The following CARS1 variants were observed in gnomAD, a reference collection of about 807,000 sequenced individuals.
CARS1 encodes cysteinyl-tRNA synthetase 1, also known as cysteine--tRNA ligase, cytoplasmic.
A neutral mutation model predicts 106.2 loss-of-function variants in CARS1; 48 were observed. The ratio of observed to expected loss-of-function variants is 0.45; its 90% CI spans 0.36 to 0.57. The LOEUF is 0.57. Ranked by LOEUF, CARS1 falls within the 20% of genes least tolerant of loss-of-function variation. CARS1 has a pLI of 0.00. For synonymous variants in CARS1, 409 were observed against 403.4 expected, an observed-to-expected ratio of 1.01 and a Z score of -0.17; for missense variants, 968 against 1,057.2, an observed-to-expected ratio of 0.92 and a Z score of 1.17.
rs201769719 is a variant in CARS1 at position 3,040,849 on chromosome 11, C to T, written c.455+47G>A. On this transcript the variant is annotated intron_variant, in intron 4 of 22. Transcript: ENST00000380525. The surrounding 1 kb of genome is among the most constrained non-coding windows in gnomAD (Gnocchi z 5.8). ...CTGTGGATCCCAATGGCTCTGACTTCTGCGTGCAACTGCAGAAGCTGCAGG... is the reference window on the plus strand; with the variant it reads ...CTGTGGATCCCAATGGCTCTGACTTTTGCGTGCAACTGCAGAAGCTGCAGG... 6.3e-7 allele frequency: 1 copy of T among 1,598,772 alleles called. No homozygotes were observed.
rs1854687561 is a variant in CARS1, at chr11:3,043,044, C to A, written c.275-788G>T. 6.6e-6 allele frequency among the ~76,000 whole-genome samples: 1 copy of A among 152,186 alleles called. No individual in the cohort carries two copies. Among genetic ancestry groups the A allele is most frequent in the Non-Finnish European group, 1.5e-5 (1 of 68,028 alleles). On this transcript the variant is annotated intron_variant, in intron 2 of 22. Coordinates refer to ENST00000380525, the MANE Select transcript of CARS1 (RefSeq NM_001014437.3). The surrounding 1 kb of genome is among the most constrained non-coding windows in gnomAD (Gnocchi z 4.0). ...AGGTCTATACTGCCTTCATAAATAA[C>A]CTGAGCTCCTCTCAGCCTCCAGGCA...
rs117447104 is a variant in CARS1 at position 3,032,965 on chromosome 11, T to C, written c.802-3522A>G. The stretch of plus-strand genomic sequence containing the variant: ...AAACGTACCCCCTGGTGGGTGCGGA[T>C]GCTGGGGGAGGTGACGGTGAGGTGG... On this transcript the variant is annotated intron_variant, in intron 7 of 22. Transcript: ENST00000380525. Among the ~76,000 whole-genome samples, 47 of 151,694 alleles carry C rather than the reference T, an allele frequency of 3.1e-4. No homozygotes were observed. The East Asian group carries it at 9.1e-3, about 29-fold the overall frequency.
chr11:3,021,081 C>T lies in CARS1; in HGVS notation c.1154-749G>A, dbSNP rs142183175. Among the ~76,000 whole-genome samples, 472 of 152,222 alleles carry T rather than the reference C, an allele frequency of 3.1e-3. 4 individuals are homozygous for T. Among genetic ancestry groups the T allele is most frequent in the African/African-American group, 9.4e-3 (389 of 41,524 alleles). On this transcript the variant is annotated intron_variant, in intron 10 of 22. Coordinates refer to ENST00000380525, the MANE Select transcript of CARS1 (RefSeq NM_001014437.3). The surrounding 1 kb of genome is among the most constrained non-coding windows in gnomAD (Gnocchi z 5.3). ...CCTTGGTGAATTCCATGCATTGACT[C>T]GGTGACACTCAGCCACCTGACACTC...
Position 3,037,307 on chromosome 11 carries a change from G to A in CARS1, c.801+743C>T, listed in dbSNP as rs1261168275. Among the ~76,000 whole-genome samples the A allele has an allele frequency of 6.6e-6, 1 of 152,260 alleles. No homozygotes were observed. The highest frequency in any genetic ancestry group is 1.9e-4 in the East Asian group (1 of 5,198). On this transcript the variant is annotated intron_variant, in intron 7 of 22. Coordinates refer to ENST00000380525, the MANE Select transcript of CARS1 (RefSeq NM_001014437.3). The surrounding 1 kb of genome is among the most constrained non-coding windows in gnomAD (Gnocchi z 5.9). ...CCAAACTAGAAAGAAACATGCTGGC[G>A]AAGGGCAGACACAGACTCCCTGCCC...
At chr11:3,024,541 G>A (rs1287108505) in intron 10 of CARS1, among the ~76,000 whole-genome samples, 1 of 152,160 alleles carries the variant, frequency 6.6e-6, no homozygotes, top group Non-Finnish European at 1.5e-5. Flanking sequence ...TTGACTTCTT[G>A]GGCTGAAGTG....
intron 17 of CARS1, among the ~76,000 whole-genome samples, chr11:3,014,355 G>A (rs976038790): frequency 1.3e-5 from 2 of 152,188 alleles, no homozygotes; most frequent in Non-Finnish European, 2.9e-5. Flanking sequence ...ATCCATGAAC[G>A]TCAAATGGCC....
Position 3,029,455 on chromosome 11 carries a change from G to C in CARS1, c.802-12C>G. On this transcript the variant is annotated splice_polypyrimidine_tract_variant and intron_variant, in intron 7 of 22. Coordinates refer to ENST00000380525, the MANE Select transcript of CARS1 (RefSeq NM_001014437.3). This position sits in a 1 kb window ranked among gnomAD's most constrained non-coding sequence, Gnocchi z 5.9. ...TCTTCCAGCAACACCTGAAGAGAAAGAAACAAAAATCCAGCAGCGGGCCAC... is the reference window on the plus strand; with the variant it reads ...TCTTCCAGCAACACCTGAAGAGAAACAAACAAAAATCCAGCAGCGGGCCAC... 2 of 1,612,644 alleles carry C rather than the reference G, an allele frequency of 1.2e-6. No homozygotes were observed. The highest frequency in any genetic ancestry group is 8.5e-7 in the Non-Finnish European group (1 of 1,179,560).
chr11:3,007,003 G>A (rs754263079), intron 18 of CARS1, 44 bp from the exon 19 acceptor site: 1 of 1,508,390 alleles, frequency 6.6e-7, no homozygotes, highest in African/African-American at 1.4e-5. Flanking sequence ...GGAGGAGCCA[G>A]GGCCCACACA....
chr11:3,004,688 T>C lies in CARS1; in HGVS notation c.2217+678A>G, dbSNP rs1849687828. On this transcript the variant is annotated intron_variant, in intron 20 of 22. Coordinates refer to ENST00000380525, the MANE Select transcript of CARS1 (RefSeq NM_001014437.3). This position sits in a 1 kb window ranked among gnomAD's most constrained non-coding sequence, Gnocchi z 5.2. Reference sequence around the variant, plus strand: ...TCTGTCCTATTGGGCACCGAGGAACTTGGGCCATCCCTGATCCTGGGGGCG... The same window carrying C: ...TCTGTCCTATTGGGCACCGAGGAACCTGGGCCATCCCTGATCCTGGGGGCG... Among the ~76,000 whole-genome samples, 1 of 152,200 alleles carries C rather than the reference T, an allele frequency of 6.6e-6. No homozygotes were observed. Among genetic ancestry groups the C allele is most frequent in the African/African-American group, 2.4e-5 (1 of 41,460 alleles).
Position 3,034,447 on chromosome 11 carries a change from C to G in CARS1, c.801+3603G>C, listed in dbSNP as rs899715451. On this transcript the variant is annotated intron_variant, in intron 7 of 22. Transcript: ENST00000380525. This position sits in a 1 kb window ranked among gnomAD's most constrained non-coding sequence, Gnocchi z 6.3. Reference sequence around the variant, plus strand: ...TGTTGGCCAGGCTGGTCTCAAACCCCTGACCTCAGGTGATCCGCCCGCCTC... The same window carrying G: ...TGTTGGCCAGGCTGGTCTCAAACCCGTGACCTCAGGTGATCCGCCCGCCTC... 2.6e-5 allele frequency among the ~76,000 whole-genome samples: 4 copies of G among 152,202 alleles called. No individual in the cohort carries two copies. The highest frequency in any genetic ancestry group is 5.9e-5 in the Non-Finnish European group (4 of 68,030).
At chr11:3,010,526 G>A (rs1050784334) in intron 18 of CARS1, among the ~76,000 whole-genome samples, 1 of 152,270 alleles carries the variant, frequency 6.6e-6, no homozygotes, top group African/African-American at 2.4e-5. Flanking sequence ...GGAAAGGGGC[G>A]ATGGTGCTTA....
chr11:3,055,881 G>A (rs1173128286), intron 1 of CARS1, among the ~76,000 whole-genome samples: 2 of 152,222 alleles, frequency 1.3e-5, no homozygotes, highest in Non-Finnish European at 2.9e-5. Flanking sequence ...CAAGGTAGGA[G>A]CCATTACGCA....
rs565863865 is a variant in CARS1 at position 3,042,429 on chromosome 11, T to G, written c.275-173A>C. The G allele has an allele frequency of 7.2e-4, 403 of 563,088 alleles. 3 individuals carry two copies. Among genetic ancestry groups the G allele is most frequent in the Admixed American group, 5.9e-4 (18 of 30,294 alleles). 34.9% of individuals were successfully genotyped at this position (563,088 alleles called of 1,614,324 possible). A position where few individuals can be genotyped will look rare whatever the true frequency, so the allele number is the denominator to read the frequency against. On this transcript the variant is annotated intron_variant, in intron 2 of 22. Transcript: ENST00000380525. Reference sequence around the variant, plus strand: ...ATTACGCAGGTCAAAGACAACTGCGTCTTTTTTTTTTTTTAGACGGAGTCT... The same window carrying G: ...ATTACGCAGGTCAAAGACAACTGCGGCTTTTTTTTTTTTTAGACGGAGTCT...
In CARS1 at chr11:3,034,745, A is replaced by G. The variant is rs1297976999; in HGVS notation, c.801+3305T>C. Among the ~76,000 whole-genome samples the G allele has an allele frequency of 1.3e-5, 2 of 151,518 alleles. No individual in the cohort carries two copies. The highest frequency in any genetic ancestry group is 1.9e-4 in the East Asian group (1 of 5,172). ...GAGACGGGGTTTCACCATGTTGGCC[A>G]GGATGGTCTCGATCTCCTGACCTCG... On this transcript the variant is annotated intron_variant, in intron 7 of 22. Transcript: ENST00000380525. The surrounding 1 kb of genome is among the most constrained non-coding windows in gnomAD (Gnocchi z 6.3).
chr11:3,017,827 A>C lies in CARS1; in HGVS notation c.1727+30T>G. The C allele has an allele frequency of 6.6e-7, 1 of 1,511,462 alleles. No individual in the cohort carries two copies. Among genetic ancestry groups the C allele is most frequent in the East Asian group, 2.3e-5 (1 of 44,416 alleles). The allele number at this position is 1,511,462 out of a possible 1,614,324, so 93.6% of individuals were successfully genotyped here. ...CTAGGCATAGAACATGGGCATGCTC[A>C]AAAACCCCAAAGAAATGGCACCACC... On this transcript the variant is annotated intron_variant, in intron 15 of 22. Transcript: ENST00000380525. This position sits in a 1 kb window ranked among gnomAD's most constrained non-coding sequence, Gnocchi z 4.9.
Position 3,001,014 on chromosome 11 carries a change from AAGGGTG to A in CARS1, c.*94_*99del. ...GAACACAACTCTTAATTTAGGACCC[AAGGGTG>A]ACTGTAAACATGATAGGAGCGCTGG... On this transcript the variant is annotated 3_prime_UTR_variant, in exon 23 of 23. Coordinates refer to ENST00000380525, the MANE Select transcript of CARS1 (RefSeq NM_001014437.3). The A allele has an allele frequency of 7.4e-7, 1 of 1,356,472 alleles. No homozygotes were observed. Among genetic ancestry groups the A allele is most frequent in the South Asian group, 1.2e-5 (1 of 81,382 alleles). The allele number at this position is 1,356,472 out of a possible 1,614,324, so 84.0% of individuals were successfully genotyped here.
rs768552796 is a variant in CARS1, at chr11:3,017,298, G to A, written c.1728-3C>T. 2.5e-6 allele frequency: 4 copies of A among 1,609,936 alleles called. No homozygotes were observed. The highest frequency in any genetic ancestry group is 1.3e-5 in the African/African-American group (1 of 74,940). On this transcript the variant is annotated splice_polypyrimidine_tract_variant and splice_region_variant and intron_variant, in intron 15 of 22. Coordinates refer to ENST00000380525, the MANE Select transcript of CARS1 (RefSeq NM_001014437.3). This position sits in a 1 kb window ranked among gnomAD's most constrained non-coding sequence, Gnocchi z 4.9. ...TTGCTGTCTTCTTGTCATAAAAGCT[G>A]AGCAACAAAGAGGAAGGAATGTGAA...
At position 3,016,815 on chromosome 11, in the gene CARS1, T is replaced by G. The variant is rs952835154; in HGVS notation, c.1917+291A>C. Among the ~76,000 whole-genome samples, 4 of 152,244 alleles carry G rather than the reference T, an allele frequency of 2.6e-5. No homozygotes were observed. In the South Asian group the frequency reaches 8.3e-4, roughly 32 times the overall value. The stretch of plus-strand genomic sequence containing the variant: ...ATTTTATAGACCCGGGATCTCACTA[T>G]GTTGTCCAGGCTGGTTTTGAACTCC... On this transcript the variant is annotated intron_variant, in intron 16 of 22. Transcript: ENST00000380525.
chr11:3,005,785 G>C (rs932595805), intron 19 of CARS1, among the ~76,000 whole-genome samples: 3 of 152,068 alleles, frequency 2.0e-5, no homozygotes, highest in Non-Finnish European at 4.4e-5. Context: ...CTAATGTTTT[G>C]TATTTTAGTG....
Sources: gnomAD v4.1 joint callset for allele counts (sites outside exome capture counted in the v4.1 genomes callset) on GRCh38, gnomAD v4.1.1 for gene constraint, Gnocchi (gnomAD v3.1) non-coding constraint, MANE v1.5 for transcripts, NCBI Gene and HGNC (gene_info 2026-07-23, HGNC 2026-07-21) for gene names.